The following FAS variants were observed in gnomAD, a reference collection of about 807,000 sequenced individuals.
FAS encodes Fas cell surface death receptor, also known as tumor necrosis factor receptor superfamily member 6.
A neutral mutation model predicts 33.2 loss-of-function variants in FAS; 5 were observed. That is an observed-to-expected ratio of 0.15 (90% CI 0.08 to 0.32). The LOEUF is 0.32. Ranked by LOEUF, FAS falls within the 10% of genes least tolerant of loss-of-function variation. The probability of loss-of-function intolerance (pLI) is 1.00; values close to 1 mark genes in which losing one functional copy is unlikely to be tolerated. For synonymous variants in FAS, 131 were observed against 130.7 expected (o/e 1.00, Z -0.01); for missense variants, 339 against 386.0 (o/e 0.88, Z 1.02).
intron 1 of FAS, among the ~76,000 whole-genome samples, chr10:88,967,697 G>A (rs184575968): frequency 1.3e-5 from 2 of 152,272 alleles, no homozygotes; most frequent in African/African-American, 2.4e-5. Context: ...TCATGATTTT[G>A]TTACTGTAAG....
At position 89,014,641 on chromosome 10, in the gene FAS, G is replaced by T; in HGVS notation, c.*191G>T. The T allele has an allele frequency of 1.4e-6, 1 of 729,308 alleles. No individual in the cohort carries two copies. The highest frequency in any genetic ancestry group is 3.6e-4 in the Middle Eastern group (1 of 2,774). The allele number at this position is 729,308 out of a possible 1,614,324, so 45.2% of individuals were successfully genotyped here. On this transcript the variant is annotated 3_prime_UTR_variant, in exon 9 of 9. Coordinates refer to ENST00000652046, the MANE Select transcript of FAS (RefSeq NM_000043.6). The stretch of plus-strand genomic sequence containing the variant: ...CTCCAAGGATGTTTAAAATCTAGTT[G>T]GGAAAACAAACTTCATCAAGAGTAA...
intron 1 of FAS, among the ~76,000 whole-genome samples, chr10:88,995,669 A>G (rs1022026927): frequency 6.6e-6 from 1 of 152,148 alleles, no homozygotes. Context: ...CTCTACTGAA[A>G]ATACACAAAT....
At chr10:88,992,915 G>A (rs964004662) in intron 1 of FAS, among the ~76,000 whole-genome samples, 1 of 152,128 alleles carries the variant, frequency 6.6e-6, no homozygotes, top group Non-Finnish European at 1.5e-5. Context: ...ATGCCTTCAC[G>A]GTTATGTTTT....
At chr10:88,998,567 C>T (rs573244296) in intron 1 of FAS, among the ~76,000 whole-genome samples, 3 of 152,164 alleles carry the variant, frequency 2.0e-5, no homozygotes, top group East Asian at 1.9e-4. Flanking sequence ...CAGTCACATT[C>T]GGATGCTCAG....
At chr10:88,968,848 C>T (rs1846370002) in intron 1 of FAS, among the ~76,000 whole-genome samples, 1 of 152,050 alleles carries the variant, frequency 6.6e-6, no homozygotes, top group Non-Finnish European at 1.5e-5. Context: ...CTTATTCATC[C>T]CTTTTAAAGC....
At chr10:89,003,371 G>C (rs187941454) in intron 2 of FAS, among the ~76,000 whole-genome samples, 177 bp downstream of exon 2, 1 of 152,116 alleles carries the variant, frequency 6.6e-6, no homozygotes, top group African/African-American at 2.4e-5. Flanking sequence ...TATTTATCAC[G>C]CTTATTTGAT....
chr10:88,990,848 C>G lies in FAS; in HGVS notation c.-29C>G, dbSNP rs1847133117. 1 of 1,614,116 alleles carries G rather than the reference C, an allele frequency of 6.2e-7. No individual in the cohort carries two copies. Among genetic ancestry groups the G allele is most frequent in the African/African-American group, 1.3e-5 (1 of 74,954 alleles). Reference sequence around the variant, plus strand: ...CGCTCAGTACGGAGTTGGGGAAGCTCTTTCACTTCGGAGGATTGCTCAACA... The same window carrying G: ...CGCTCAGTACGGAGTTGGGGAAGCTGTTTCACTTCGGAGGATTGCTCAACA... On this transcript the variant is annotated 5_prime_UTR_variant, in exon 1 of 9. Coordinates refer to ENST00000652046, the MANE Select transcript of FAS (RefSeq NM_000043.6). This position sits in a 1 kb window ranked among gnomAD's most constrained non-coding sequence, Gnocchi z 4.9.
intron 2 of FAS, 109 bp from the exon 3 acceptor site, chr10:89,007,591 C>A (rs748409562): frequency 7.1e-7 from 1 of 1,410,514 alleles, no homozygotes; most frequent in Non-Finnish European, 9.7e-7. Context: ...CCTACCCCCC[C>A]TCCCCTTGTG....
Position 89,014,326 on chromosome 10 carries a change from T to C in FAS, c.884T>C (p.Ile295Thr). ...HGKKEAYDTL[I>T]KDLKKANLCT... ...AAGAAAGAAGCGTATGACACATTGATTAAAGATCTCAAAAAAGCCAATCTT... is the reference window on the plus strand; with the variant it reads ...AAGAAAGAAGCGTATGACACATTGACTAAAGATCTCAAAAAAGCCAATCTT... Residue 295 changes from isoleucine (I) to threonine (T), a missense_variant, in exon 9 of 9, where the codon ATT (isoleucine) becomes ACT (threonine). Transcript: ENST00000652046. 6.2e-7 allele frequency: 1 copy of C among 1,613,932 alleles called. No individual in the cohort carries two copies. The highest frequency in any genetic ancestry group is 8.5e-7 in the Non-Finnish European group (1 of 1,179,924).
At chr10:88,970,207 G>T (rs527243060) in intron 1 of FAS, among the ~76,000 whole-genome samples, 52 of 152,112 alleles carry the variant, frequency 3.4e-4, no homozygotes, top group Admixed American at 2.4e-3. Flanking sequence ...CTACTCATAG[G>T]CAAAGTCACT....
At chr10:89,011,806 C>G (rs1848543291) in intron 6 of FAS, among the ~76,000 whole-genome samples, 193 bp from the exon 7 acceptor site, 1 of 152,212 alleles carries the variant, frequency 6.6e-6, no homozygotes, top group Non-Finnish European at 1.5e-5. Context: ...TAAGATATGT[C>G]CTTTCACTAG....
intron 7 of FAS, 187 bp downstream of exon 7, chr10:89,012,268 C>T (rs1252468918): frequency 3.6e-6 from 2 of 556,514 alleles, no homozygotes; most frequent in Non-Finnish European, 6.5e-6. Flanking sequence ...GCCTCAAAGT[C>T]CTGGGCTCAA....
At chr10:88,970,774 C>T (rs1846423616) in intron 1 of FAS, among the ~76,000 whole-genome samples, 1 of 151,990 alleles carries the variant, frequency 6.6e-6, no homozygotes, top group South Asian at 2.1e-4. Context: ...ATGTAAATGA[C>T]AAGTTAATGG....
chr10:88,983,509 C>CT (rs775826582), upstream of FAS, among the ~76,000 whole-genome samples: 4 of 148,410 alleles, frequency 2.7e-5, no homozygotes, highest in African/African-American at 7.4e-5. Context: ...AACTGTGTGA[C>CT]TTTGGGCAAG....
chr10:89,002,895 G>A (rs1848007623), intron 1 of FAS, 134 bp from the exon 2 acceptor site: 2 of 917,472 alleles, frequency 2.2e-6, no homozygotes, highest in Admixed American at 2.0e-5. Context: ...AGAGAAATCT[G>A]AAAGACAGTG....
At chr10:88,973,357 G>C in intron 2 of FAS, 1 of 1,476,078 alleles carries the variant, frequency 6.8e-7, no homozygotes, top group Non-Finnish European at 9.0e-7. Context: ...GGTAATCCAA[G>C]AATTGCCAGG....
intron 1 of FAS, among the ~76,000 whole-genome samples, chr10:88,971,336 A>G (rs1314177002): frequency 6.6e-6 from 1 of 152,258 alleles, no homozygotes; most frequent in African/African-American, 2.4e-5. Context: ...ACACAAACAC[A>G]AAATGAGAAA....
chr10:89,001,626 A>G (rs974746387), intron 1 of FAS, among the ~76,000 whole-genome samples: 1 of 151,906 alleles, frequency 6.6e-6, no homozygotes, highest in African/African-American at 2.4e-5. Context: ...TGTGTCTGCT[A>G]ATTCTTGCAT....
In FAS at chr10:89,012,118, G is replaced by T. The variant is rs771974497; in HGVS notation, c.651+37G>T. 4 of 1,524,762 alleles carry T rather than the reference G, an allele frequency of 2.6e-6. No homozygotes were observed. In the African/African-American group the frequency reaches 5.5e-5, roughly 21 times the overall value. The allele number at this position is 1,524,762 out of a possible 1,614,324, so 94.5% of individuals were successfully genotyped here. On this transcript the variant is annotated intron_variant, in intron 7 of 8. Coordinates refer to ENST00000652046, the MANE Select transcript of FAS (RefSeq NM_000043.6). ...AATAGGTATCAGCTTTCCTTGAAAA[G>T]AAAAATAGAGAAATTAGTGATTTGG...
Sources: allele counts gnomAD v4.1 joint callset (sites outside exome capture counted in the v4.1 genomes callset), GRCh38; gene constraint gnomAD v4.1.1; non-coding constraint Gnocchi (gnomAD v3.1); transcripts MANE v1.5; gene names NCBI Gene and HGNC (gene_info 2026-07-23, HGNC 2026-07-21).